Variants in TASP1 observed in about 807,000 individuals in gnomAD.
TASP1 encodes threonine aspartase 1.
In TASP1, 16 loss-of-function variants were observed where a neutral mutation model predicts 56.6. The ratio of observed to expected loss-of-function variants is 0.28; its 90% CI spans 0.19 to 0.43. The LOEUF is 0.43. TASP1 is among the 20% of genes least tolerant of loss of function. The probability of loss-of-function intolerance (pLI) is 1.00; values close to 1 mark genes in which losing one functional copy is unlikely to be tolerated. For synonymous variants in TASP1, 179 were observed against 184.2 expected (o/e 0.97, Z 0.23); for missense variants, 393 against 511.6 (o/e 0.77, Z 2.24).
chr20:13,361,095 C>G, the TASP1 span, among the ~76,000 whole-genome samples: 1 of 152,070 alleles, frequency 6.6e-6, no homozygotes, highest in Admixed American at 6.5e-5. Context: ...TTCTACTACT[C>G]CTCAGGGATT....
At chr20:13,472,790 A>G (rs962850582) in intron 11 of TASP1, among the ~76,000 whole-genome samples, 2 of 151,256 alleles carry the variant, frequency 1.3e-5, no homozygotes, top group Admixed American at 1.3e-4. Flanking sequence ...ATGAGATACC[A>G]TCTCACACCA....
intron 8 of TASP1, among the ~76,000 whole-genome samples, chr20:13,542,967 T>A (rs915583505): frequency 1.3e-5 from 2 of 150,262 alleles, no homozygotes; most frequent in Non-Finnish European, 1.5e-5. Flanking sequence ...AAAGAAAAAA[T>A]GAAAAATCAA....
chr20:13,578,372 C>T (rs2047004217), intron 6 of TASP1, among the ~76,000 whole-genome samples: 1 of 151,892 alleles, frequency 6.6e-6, no homozygotes, highest in Non-Finnish European at 1.5e-5. Flanking sequence ...TTCATAAATA[C>T]TCTGGATAAT....
chr20:13,413,899 C>T (rs1355008465), intron 13 of TASP1, among the ~76,000 whole-genome samples: 1 of 152,072 alleles, frequency 6.6e-6, no homozygotes, highest in Non-Finnish European at 1.5e-5. Flanking sequence ...AAAATATTGT[C>T]CATATTATGG....
At chr20:13,551,687 C>CA (rs2045986877) in intron 8 of TASP1, among the ~76,000 whole-genome samples, 2 of 152,288 alleles carry the variant, frequency 1.3e-5, no homozygotes, top group Admixed American at 6.5e-5. Context: ...GCAACCCAGT[C>CA]AGTCCTGTAG....
intron 6 of TASP1, among the ~76,000 whole-genome samples, chr20:13,577,329 T>A (rs2046960038): frequency 6.6e-6 from 1 of 152,186 alleles, no homozygotes; most frequent in African/African-American, 2.4e-5. Flanking sequence ...CTATCCTAGA[T>A]GGCAGAAAAC....
chr20:13,467,596 G>A (rs6033717), intron 11 of TASP1, among the ~76,000 whole-genome samples: 151,384 of 152,274 alleles, frequency 0.99, 75,254 homozygotes, highest in Middle Eastern at 1. Flanking sequence ...TTTGTTTTGC[G>A]TATTTGTCTC....
chr20:13,579,012 G>C (rs1304445450), intron 6 of TASP1, among the ~76,000 whole-genome samples: 4 of 152,156 alleles, frequency 2.6e-5, no homozygotes, highest in Admixed American at 6.5e-5. Context: ...AGATTCGTAG[G>C]TGAACTTCAA....
chr20:13,134,388 G>A, the TASP1 span, among the ~76,000 whole-genome samples: 1 of 152,088 alleles, frequency 6.6e-6, no homozygotes, highest in Admixed American at 6.6e-5. Context: ...TACTCATTAT[G>A]CCTATCTGCT....
chr20:13,220,695 C>G, the TASP1 span, among the ~76,000 whole-genome samples: 9 of 152,206 alleles, frequency 5.9e-5, no homozygotes, highest in African/African-American at 2.2e-4. Context: ...CAGCCGTGCC[C>G]GGCTAGCGGG....
At chr20:13,617,686 A>C (rs2048570127) in intron 4 of TASP1, among the ~76,000 whole-genome samples, 1 of 152,194 alleles carries the variant, frequency 6.6e-6, no homozygotes, top group African/African-American at 2.4e-5. Flanking sequence ...AAACTTCCCA[A>C]ATAACAAAAA....
intron 10 of TASP1, among the ~76,000 whole-genome samples, chr20:13,524,624 T>C (rs1292068743): frequency 2.6e-5 from 4 of 152,204 alleles, no homozygotes; most frequent in Non-Finnish European, 4.4e-5. Flanking sequence ...AAATTATTTA[T>C]TTTCTAGAAA....
At chr20:13,466,325 T>C (rs1168068312) in intron 11 of TASP1, among the ~76,000 whole-genome samples, 5 of 152,230 alleles carry the variant, frequency 3.3e-5, no homozygotes, top group African/African-American at 1.2e-4. Context: ...TTTGAGCAGC[T>C]ATATCACAAA....
chr20:13,226,398 G>A, the TASP1 span, among the ~76,000 whole-genome samples: 1 of 152,002 alleles, frequency 6.6e-6, no homozygotes. Flanking sequence ...CAGTCAGGCT[G>A]ATTACTTTTA....
the TASP1 span, among the ~76,000 whole-genome samples, chr20:13,105,131 T>A: frequency 1.1e-4 from 17 of 152,276 alleles, no homozygotes; most frequent in African/African-American, 3.4e-4. Flanking sequence ...ACTGTAGCCT[T>A]GTAGAACGAC....
intron 9 of TASP1, among the ~76,000 whole-genome samples, chr20:13,530,034 A>G (rs2045159545): frequency 6.6e-6 from 1 of 152,146 alleles, no homozygotes; most frequent in Non-Finnish European, 1.5e-5. Flanking sequence ...CCTCCCCCAG[A>G]AAGTCCTCCA....
At chr20:13,600,442 T>C (rs541626436) in intron 4 of TASP1, 2 of 152,232 alleles carry the variant, frequency 1.3e-5, no homozygotes, top group East Asian at 3.9e-4. Flanking sequence ...AGAGAAATGG[T>C]CAATTTTTGC....
At chr20:13,236,541 G>A in the TASP1 span, among the ~76,000 whole-genome samples, 1 of 152,044 alleles carries the variant, frequency 6.6e-6, no homozygotes, top group Non-Finnish European at 1.5e-5. Flanking sequence ...GTCCCCCAAA[G>A]GCTTAATTTA....
intron 11 of TASP1, among the ~76,000 whole-genome samples, chr20:13,458,831 C>T (rs965937740): frequency 2.6e-5 from 4 of 152,090 alleles, no homozygotes; most frequent in African/African-American, 9.7e-5. Context: ...TGCCAACATA[C>T]AACATTAGTA....
Sources: gnomAD v4.1 joint callset for allele counts (sites outside exome capture counted in the v4.1 genomes callset) on GRCh38, gnomAD v4.1.1 for gene constraint, MANE v1.5 for transcripts, NCBI Gene and HGNC (gene_info 2026-07-23, HGNC 2026-07-21) for gene names.